PDGFD: variants seen among roughly 807,000 people sequenced by gnomAD.
PDGFD encodes the protein platelet-derived growth factor D.
Under a neutral mutation model 44.7 loss-of-function variants are expected in PDGFD, and 30 were observed. The ratio of observed to expected loss-of-function variants is 0.67; its 90% CI spans 0.50 to 0.91. The LOEUF (loss-of-function observed/expected upper bound fraction) is 0.91. PDGFD is among the 40% of genes least tolerant of loss of function. The pLI is 0.00. For synonymous variants in PDGFD, 173 were observed against 168.4 expected (o/e 1.03, Z -0.21); for missense variants, 445 against 457.8 (o/e 0.97, Z 0.25).
At position 103,909,234 on chromosome 11, in the gene PDGFD, G is replaced by C. The variant is rs893468393; in HGVS notation, c.*460C>G. Reference sequence around the variant, plus strand: ...CAAGATGCTTTCTTTAAGAGAGCAAGATTCAAAATTGTTTTGTGTTTCAAA... The same window carrying C: ...CAAGATGCTTTCTTTAAGAGAGCAACATTCAAAATTGTTTTGTGTTTCAAA... On this transcript the variant is annotated 3_prime_UTR_variant, in exon 7 of 7. Transcript: ENST00000393158. The C allele has an allele frequency of 2.0e-5, 3 of 152,784 alleles. No homozygotes were observed. Among genetic ancestry groups the C allele is most frequent in the African/African-American group, 7.2e-5 (3 of 41,418 alleles). The allele number at this position is 152,784 out of a possible 1,614,324, so 9.5% of individuals were successfully genotyped here. A position where few individuals can be genotyped will look rare whatever the true frequency, so the allele number is the denominator to read the frequency against.
intron 1 of PDGFD, among the ~76,000 whole-genome samples, chr11:104,003,282 G>A (rs1859647584): frequency 6.6e-6 from 1 of 152,224 alleles, no homozygotes; most frequent in Non-Finnish European, 1.5e-5. Flanking sequence ...AGACATAAGA[G>A]GCTAGAAGCT....
At chr11:104,030,999 A>G (rs533335311) in intron 1 of PDGFD, among the ~76,000 whole-genome samples, 1 of 152,336 alleles carries the variant, frequency 6.6e-6, no homozygotes, top group South Asian at 2.1e-4. Context: ...CTCATGATGG[A>G]TTAAAGCCTT....
chr11:104,142,757 C>A (rs1356979348), intron 1 of PDGFD, among the ~76,000 whole-genome samples: 3 of 152,158 alleles, frequency 2.0e-5, no homozygotes, highest in East Asian at 1.9e-4. Context: ...GTGCTAAAAT[C>A]TTCTCGAAAA....
At chr11:104,160,603 C>T (rs1041097040) in intron 1 of PDGFD, among the ~76,000 whole-genome samples, 4 of 152,014 alleles carry the variant, frequency 2.6e-5, no homozygotes, top group Admixed American at 6.5e-5. Flanking sequence ...TCAGTTTGAG[C>T]GAGAATAATA....
intron 1 of PDGFD, among the ~76,000 whole-genome samples, chr11:104,076,138 C>T (rs1860955528): frequency 6.6e-6 from 1 of 152,154 alleles, no homozygotes; most frequent in Non-Finnish European, 1.5e-5. Context: ...CTTCTCCTTC[C>T]TGCTGCCTTG....
chr11:104,035,166 C>A (rs1860205002), intron 1 of PDGFD, among the ~76,000 whole-genome samples: 1 of 152,100 alleles, frequency 6.6e-6, no homozygotes, highest in Admixed American at 6.5e-5. Context: ...GAACTGATGT[C>A]AAATGGGTCA....
intron 1 of PDGFD, among the ~76,000 whole-genome samples, chr11:104,018,162 T>C (rs1346917648): frequency 1.3e-5 from 2 of 151,320 alleles, no homozygotes; most frequent in African/African-American, 2.4e-5. Context: ...ACACACCCCA[T>C]TTCCCAGACT....
chr11:104,157,166 A>T (rs1329616036), intron 1 of PDGFD, among the ~76,000 whole-genome samples: 1 of 152,212 alleles, frequency 6.6e-6, no homozygotes, highest in Non-Finnish European at 1.5e-5. Context: ...CTGAGCGCAG[A>T]GCGACAACCA....
At chr11:103,963,622 C>G (rs11824278) in intron 3 of PDGFD, among the ~76,000 whole-genome samples, 40 of 152,152 alleles carry the variant, frequency 2.6e-4, no homozygotes, top group Non-Finnish European at 4.7e-4. Flanking sequence ...ACCAAACAGC[C>G]GATTTGGCAT....
intron 3 of PDGFD, among the ~76,000 whole-genome samples, chr11:103,972,057 A>G (rs1859112822): frequency 6.6e-6 from 1 of 152,156 alleles, no homozygotes; most frequent in Non-Finnish European, 1.5e-5. Flanking sequence ...TGTTGCTCCT[A>G]ATTCTCTTCA....
intron 6 of PDGFD, among the ~76,000 whole-genome samples, chr11:103,916,621 A>G (rs1858130430): frequency 6.6e-6 from 1 of 152,234 alleles, no homozygotes; most frequent in Non-Finnish European, 1.5e-5. Flanking sequence ...TCATTCTATT[A>G]TAAAGACACA....
At chr11:104,040,366 T>C (rs1279836533) in intron 1 of PDGFD, among the ~76,000 whole-genome samples, 2 of 152,090 alleles carry the variant, frequency 1.3e-5, no homozygotes, top group East Asian at 3.9e-4. Flanking sequence ...GAAAAATCAT[T>C]AAACAAAATG....
intron 1 of PDGFD, among the ~76,000 whole-genome samples, chr11:104,025,885 T>C (rs971565584): frequency 6.6e-6 from 1 of 152,240 alleles, no homozygotes; most frequent in African/African-American, 2.4e-5. Context: ...AGCATCTTTC[T>C]AAACCTGCTG....
rs1858006230 is a variant in PDGFD at position 103,910,201 on chromosome 11, G to A, written c.988-382C>T. Among the ~76,000 whole-genome samples the A allele has an allele frequency of 2.0e-5, 3 of 152,196 alleles. No individual in the cohort carries two copies. In the South Asian group the frequency reaches 6.2e-4, roughly 32 times the overall value. On this transcript the variant is annotated intron_variant, in intron 6 of 6. Transcript: ENST00000393158. ...TGTTATAGATGAATACAATACTTGA[G>A]CATATTATTAGCATGGAGAGGAAAA...
intron 1 of PDGFD, among the ~76,000 whole-genome samples, chr11:104,089,252 T>C (rs959021096): frequency 6.6e-6 from 1 of 152,184 alleles, no homozygotes; most frequent in Non-Finnish European, 1.5e-5. Context: ...AATTAATTTA[T>C]ACTGAATTTA....
At chr11:103,942,799 G>A (rs1858606633) in intron 5 of PDGFD, among the ~76,000 whole-genome samples, 1 of 152,084 alleles carries the variant, frequency 6.6e-6, no homozygotes, top group Admixed American at 6.6e-5. Context: ...CACTGTTCTT[G>A]TAGGCAAGAG....
At chr11:103,929,550 C>G (rs919953737) in intron 5 of PDGFD, among the ~76,000 whole-genome samples, 2 of 152,200 alleles carry the variant, frequency 1.3e-5, no homozygotes, top group African/African-American at 2.4e-5. Flanking sequence ...ACTTTCATTT[C>G]TTACTCACCA....
chr11:104,078,037 G>C (rs1463028430), intron 1 of PDGFD, among the ~76,000 whole-genome samples: 1 of 152,096 alleles, frequency 6.6e-6, no homozygotes, highest in Non-Finnish European at 1.5e-5. Flanking sequence ...TTATGCCACT[G>C]GTCCTCAGCG....
In PDGFD at chr11:103,974,135, G is replaced by T. The variant is rs1259060267; in HGVS notation, c.510+21930C>A. Among the ~76,000 whole-genome samples the T allele has an allele frequency of 2.0e-5, 3 of 152,260 alleles. No homozygotes were observed. In the South Asian group the frequency reaches 6.2e-4, roughly 32 times the overall value. The stretch of plus-strand genomic sequence containing the variant: ...GAAGAAAGAGGAAAAAGGGCTCATA[G>T]GGGAAGATATTAAGGAGTTAGAGAG... On this transcript the variant is annotated intron_variant, in intron 3 of 6. Coordinates refer to ENST00000393158, the MANE Select transcript of PDGFD (RefSeq NM_025208.5).
Sources: allele counts gnomAD v4.1 joint callset (sites outside exome capture counted in the v4.1 genomes callset), GRCh38; gene constraint gnomAD v4.1.1; transcripts MANE v1.5; gene names NCBI Gene and HGNC (gene_info 2026-07-23, HGNC 2026-07-21).